FNBP1L: variants seen among roughly 807,000 people sequenced by gnomAD.
FNBP1L encodes the protein formin-binding protein 1-like.
Under a neutral mutation model 91.2 loss-of-function variants are expected in FNBP1L, and 36 were observed. The ratio of observed to expected loss-of-function variants is 0.39; its 90% CI spans 0.30 to 0.52. The LOEUF is 0.52. FNBP1L is among the 20% of genes least tolerant of loss of function. The probability of loss-of-function intolerance (pLI) is 0.66; values close to 1 mark genes in which losing one functional copy is unlikely to be tolerated. For synonymous variants in FNBP1L, 242 were observed against 237.0 expected (o/e 1.02, Z -0.19); for missense variants, 571 against 732.1 (o/e 0.78, Z 2.54).
At chr1:93,482,104 G>C (rs1028108451) in intron 1 of FNBP1L, among the ~76,000 whole-genome samples, 6 of 152,154 alleles carry the variant, frequency 3.9e-5, no homozygotes, top group Non-Finnish European at 8.8e-5. Context: ...GGAGGCTGCA[G>C]TGAGCCGTGA....
chr1:93,481,807 A>G (rs1669714884), intron 1 of FNBP1L, among the ~76,000 whole-genome samples: 1 of 152,182 alleles, frequency 6.6e-6, no homozygotes, highest in Non-Finnish European at 1.5e-5. Context: ...AAAATTGGGA[A>G]AAAAAGGAAA....
chr1:93,489,232 A>G (rs1245169155), intron 1 of FNBP1L, among the ~76,000 whole-genome samples: 3 of 152,154 alleles, frequency 2.0e-5, no homozygotes, highest in East Asian at 3.9e-4. Context: ...AGGAGTGATT[A>G]TAATGACGGC....
intron 10 of FNBP1L, among the ~76,000 whole-genome samples, chr1:93,539,883 ATTAT>A (rs1270500181): frequency 6.6e-6 from 1 of 152,146 alleles, no homozygotes; most frequent in Admixed American, 6.6e-5. Flanking sequence ...TTTTTGTCAG[ATTAT>A]TTATTAAAAT....
At chr1:93,536,136 A>T (rs1319084128) in intron 9 of FNBP1L, among the ~76,000 whole-genome samples, 196 bp from the exon 10 acceptor site, 1 of 152,156 alleles carries the variant, frequency 6.6e-6, no homozygotes. Flanking sequence ...GTGAAATGGT[A>T]CATTTTAAAA....
intron 1 of FNBP1L, among the ~76,000 whole-genome samples, chr1:93,483,522 T>C (rs528877262): frequency 6.6e-6 from 1 of 152,324 alleles, no homozygotes; most frequent in South Asian, 2.1e-4. Flanking sequence ...ATCTATCTAT[T>C]ATATGAAATT....
intron 2 of FNBP1L, among the ~76,000 whole-genome samples, chr1:93,521,065 CAACCAACCAACCAACCAACA>C (rs1395487949): frequency 6.6e-6 from 1 of 151,292 alleles, no homozygotes; most frequent in Non-Finnish European, 1.5e-5. Context: ...ACCAACCAAC[CAACCAACCAACCAACCAACA>C]AACCAGCCAA....
chr1:93,515,946 C>G (rs1217259215), intron 2 of FNBP1L, among the ~76,000 whole-genome samples: 2 of 151,820 alleles, frequency 1.3e-5, no homozygotes, highest in Non-Finnish European at 1.5e-5. Context: ...TAAAAATTAC[C>G]ATAATAATTG....
chr1:93,457,297 T>C (rs1668704252), intron 1 of FNBP1L, among the ~76,000 whole-genome samples: 2 of 152,236 alleles, frequency 1.3e-5, no homozygotes, highest in African/African-American at 4.8e-5. Flanking sequence ...CTTTTTAACA[T>C]CTGTTTTCTT....
At chr1:93,493,856 A>T (rs1670176792) in intron 1 of FNBP1L, among the ~76,000 whole-genome samples, 2 of 152,178 alleles carry the variant, frequency 1.3e-5, no homozygotes, top group South Asian at 4.1e-4. Context: ...TTAGTGGTGA[A>T]AGACGTACAC....
At chr1:93,497,969 T>TAAA (rs34548312) in intron 1 of FNBP1L, among the ~76,000 whole-genome samples, 1 of 149,370 alleles carries the variant, frequency 6.7e-6, no homozygotes, top group Non-Finnish European at 1.5e-5. Context: ...TCAAATATGT[T>TAAA]AAAAAAAAAA....
At chr1:93,451,072 A>T (rs1211012851) in intron 1 of FNBP1L, among the ~76,000 whole-genome samples, 2 of 152,254 alleles carry the variant, frequency 1.3e-5, no homozygotes, top group African/African-American at 4.8e-5. Flanking sequence ...TATATACTAC[A>T]GTCACAGTTT....
At chr1:93,478,749 G>A (rs76196731) in intron 1 of FNBP1L, among the ~76,000 whole-genome samples, 2,998 of 152,236 alleles carry the variant, frequency 0.02, 47 homozygotes, top group Non-Finnish European at 0.029. Flanking sequence ...TGTTGGAGAA[G>A]GAAATTACAA....
At chr1:93,459,941 A>ATGTGTG (rs34705153) in intron 1 of FNBP1L, among the ~76,000 whole-genome samples, 8,659 of 142,174 alleles carry the variant, frequency 0.061, 329 homozygotes, top group African/African-American at 0.1. Flanking sequence ...TGGATTTCAG[A>ATGTGTG]TGTGTGTGTG....
chr1:93,448,222 G>C lies in FNBP1L; in HGVS notation c.-60G>C. 4.0e-6 allele frequency: 6 copies of C among 1,518,222 alleles called. No homozygotes were observed. The highest frequency in any genetic ancestry group is 5.3e-6 in the Non-Finnish European group (6 of 1,132,626). The allele number at this position is 1,518,222 out of a possible 1,614,324, so 94.0% of individuals were successfully genotyped here. A position where few individuals can be genotyped will look rare whatever the true frequency, so the allele number is the denominator to read the frequency against. ...CGGCCAGCGAGTGAGAGGTCGGACA[G>C]ACTGTGGAGCCGACAGACTGAAGGA... On this transcript the variant is annotated 5_prime_UTR_variant, in exon 1 of 17. Coordinates refer to ENST00000271234, the MANE Select transcript of FNBP1L (RefSeq NM_001164473.3).
chr1:93,511,965 CAAAAA>C (rs34752421), intron 2 of FNBP1L, among the ~76,000 whole-genome samples: 2 of 66,298 alleles, frequency 3.0e-5, no homozygotes, highest in South Asian at 6.0e-4. Flanking sequence ...GACTCCGTCT[CAAAAA>C]AAAAAAAAAA....
intron 8 of FNBP1L, among the ~76,000 whole-genome samples, chr1:93,534,031 A>G (rs890388957): frequency 2.0e-5 from 3 of 152,170 alleles, no homozygotes; most frequent in African/African-American, 7.2e-5. Flanking sequence ...AGTTTAAGGT[A>G]TCACTAAAGC....
chr1:93,546,829 T>C lies in FNBP1L; in HGVS notation c.1275-13T>C. On this transcript the variant is annotated splice_polypyrimidine_tract_variant and intron_variant, in intron 12 of 16. Transcript: ENST00000271234. ...AGTTAATATTTAATTCTGGGGTTCC[T>C]TCTCTTTTTTAGAGATGCACTCAAC... The C allele has an allele frequency of 6.2e-7, 1 of 1,610,692 alleles. No homozygotes were observed. Among genetic ancestry groups the C allele is most frequent in the African/African-American group, 1.3e-5 (1 of 74,852 alleles).
chr1:93,486,885 A>C (rs888516660), intron 1 of FNBP1L, among the ~76,000 whole-genome samples: 1 of 152,206 alleles, frequency 6.6e-6, no homozygotes, highest in African/African-American at 2.4e-5. Flanking sequence ...ATTAGCAAGA[A>C]AATCATATTA....
intron 1 of FNBP1L, among the ~76,000 whole-genome samples, chr1:93,483,429 T>C (rs1437612936): frequency 6.6e-6 from 1 of 152,176 alleles, no homozygotes; most frequent in East Asian, 1.9e-4. Flanking sequence ...CATGAAAGAA[T>C]AAACCACAGC....
Sources: gnomAD v4.1 joint callset for allele counts (sites outside exome capture counted in the v4.1 genomes callset) on GRCh38, gnomAD v4.1.1 for gene constraint, MANE v1.5 for transcripts, NCBI Gene and HGNC (gene_info 2026-07-23, HGNC 2026-07-21) for gene names.